DNER: variants seen among roughly 807,000 people sequenced by gnomAD.
DNER encodes delta/notch like EGF repeat containing.
DNER carries 33 observed loss-of-function variants against 78.2 expected under a neutral mutation model. The observed-to-expected ratio is 0.42, with a 90% CI of 0.32 to 0.56. The LOEUF is 0.56. Among genes scored for constraint, DNER ranks in the 20% least tolerant of loss-of-function variants. DNER has a pLI of 0.11. For synonymous variants in DNER, 417 were observed against 384.8 expected (o/e 1.08, Z -0.98); for missense variants, 918 against 975.3 (o/e 0.94, Z 0.78).
intron 1 of DNER, among the ~76,000 whole-genome samples, chr2:229,610,688 A>G: frequency 2.0e-5 from 3 of 150,250 alleles, no homozygotes; most frequent in South Asian, 2.2e-4. Context: ...TTCCTCAACC[A>G]CCGACAGTGT....
At chr2:229,561,179 C>T (rs1188607704) in intron 4 of DNER, among the ~76,000 whole-genome samples, 1 of 152,086 alleles carries the variant, frequency 6.6e-6, no homozygotes, top group Non-Finnish European at 1.5e-5. Flanking sequence ...CCAAAAAATG[C>T]TTTCCAAATT....
intron 1 of DNER, among the ~76,000 whole-genome samples, chr2:229,704,443 G>A (rs1014459344): frequency 2.4e-4 from 37 of 152,268 alleles, no homozygotes; most frequent in Admixed American, 2.1e-3. Flanking sequence ...CCAGACACTG[G>A]AAACAAACCA....
chr2:229,404,182 G>A (rs961413082), intron 10 of DNER, among the ~76,000 whole-genome samples: 1 of 151,968 alleles, frequency 6.6e-6, no homozygotes, highest in African/African-American at 2.4e-5. Context: ...GTTGGATGGA[G>A]GTAAGAGGGA....
intron 11 of DNER, among the ~76,000 whole-genome samples, chr2:229,374,765 A>G (rs1389818182): frequency 2.0e-5 from 3 of 152,158 alleles, no homozygotes; most frequent in South Asian, 4.1e-4. Context: ...GTAGAAATCA[A>G]TGTAATGGGG....
intron 7 of DNER, among the ~76,000 whole-genome samples, chr2:229,472,320 G>C (rs147658854): frequency 2.7e-4 from 41 of 152,302 alleles, no homozygotes; most frequent in African/African-American, 8.7e-4. Flanking sequence ...AGGTGGTTCC[G>C]TTTGACCAGC....
chr2:229,702,692 C>T (rs1187066850), intron 1 of DNER, among the ~76,000 whole-genome samples: 10 of 151,568 alleles, frequency 6.6e-5, no homozygotes, highest in East Asian at 5.8e-4. Flanking sequence ...CCGAGGCAGG[C>T]GGATCACGAG....
intron 4 of DNER, among the ~76,000 whole-genome samples, chr2:229,551,930 C>CA (rs1363273441): frequency 3.3e-5 from 5 of 149,732 alleles, no homozygotes; most frequent in African/African-American, 1.3e-4. Flanking sequence ...GACTCCATCT[C>CA]AAAAAATAAA....
chr2:229,606,972 A>C (rs1489090029), intron 1 of DNER, among the ~76,000 whole-genome samples: 1 of 152,150 alleles, frequency 6.6e-6, no homozygotes, highest in East Asian at 1.9e-4. Flanking sequence ...CACTTTTCAC[A>C]ATACAGGACA....
At position 229,358,548 on chromosome 2, in the gene DNER, C is replaced by A. The variant is rs749492445; in HGVS notation, c.2206G>T (p.Asp736Tyr). The A allele has an allele frequency of 1.0e-5, 16 of 1,605,606 alleles. No individual in the cohort carries two copies. Among genetic ancestry groups the A allele is most frequent in the South Asian group, 4.5e-5 (4 of 88,500 alleles). The change falls in exon 13 of 13, where the codon GAT (aspartate) becomes TAT (tyrosine). Residue 736 changes from aspartate (D) to tyrosine (Y), a missense_variant. Coordinates refer to ENST00000341772, the MANE Select transcript of DNER (RefSeq NM_139072.4). ...AATAATCCAAAAAAAGATTACAAATCTTTAGTTTTAATCAGTGTGACCAAG... is the reference window on the plus strand; with the variant it reads ...AATAATCCAAAAAAAGATTACAAATATTTAGTTTTAATCAGTGTGACCAAG... Reference protein sequence around the residue: ...KPLVTLIKTKDL With the variant: ...KPLVTLIKTKYL
intron 1 of DNER, among the ~76,000 whole-genome samples, chr2:229,593,547 C>T (rs933602114): frequency 1.3e-5 from 2 of 152,148 alleles, no homozygotes; most frequent in Non-Finnish European, 1.5e-5. Flanking sequence ...GTTCACTGCT[C>T]TATTCCCAGC....
chr2:229,666,217 C>T (rs1699089895), intron 1 of DNER, among the ~76,000 whole-genome samples: 1 of 152,176 alleles, frequency 6.6e-6, no homozygotes, highest in African/African-American at 2.4e-5. Flanking sequence ...CTTAACACCC[C>T]TCCTGCTTTA....
chr2:229,513,561 T>G (rs1039124697), intron 5 of DNER, among the ~76,000 whole-genome samples: 9 of 152,224 alleles, frequency 5.9e-5, no homozygotes, highest in African/African-American at 2.2e-4. Flanking sequence ...GGAATTTGAC[T>G]TGAAGCTTCA....
chr2:229,469,447 A>C (rs1694875750), intron 7 of DNER, among the ~76,000 whole-genome samples: 1 of 152,222 alleles, frequency 6.6e-6, no homozygotes, highest in Admixed American at 6.5e-5. Context: ...AGCACTGCAT[A>C]TTCACAGCTC....
intron 6 of DNER, among the ~76,000 whole-genome samples, chr2:229,499,145 A>G (rs925811377): frequency 4.6e-5 from 7 of 152,146 alleles, no homozygotes; most frequent in African/African-American, 1.7e-4. Flanking sequence ...TGATGCCAAG[A>G]ACATAAAATG....
chr2:229,520,655 A>T (rs1696077142), intron 5 of DNER, among the ~76,000 whole-genome samples: 1 of 152,172 alleles, frequency 6.6e-6, no homozygotes, highest in African/African-American at 2.4e-5. Flanking sequence ...AAGTACCAAG[A>T]AAGGAAAGCT....
chr2:229,412,814 G>A lies in DNER; in HGVS notation c.1609+5294C>T, dbSNP rs144171298. ...GACCCCAGGGCTCAGTGGGGCAAAG[G>A]GACAGGAACGCTGGCTGAGTCAGAA... On this transcript the variant is annotated intron_variant, in intron 9 of 12. Transcript: ENST00000341772. Among the ~76,000 whole-genome samples, 461 of 152,266 alleles carry A rather than the reference G, an allele frequency of 3.0e-3. 6 individuals are homozygous for A. Among genetic ancestry groups the A allele is most frequent in the African/African-American group, 0.01 (427 of 41,540 alleles).
At chr2:229,563,592 A>T (rs545336865) in intron 4 of DNER, among the ~76,000 whole-genome samples, 4 of 142,250 alleles carry the variant, frequency 2.8e-5, no homozygotes, top group Non-Finnish European at 6.1e-5. Context: ...CATCATTAAC[A>T]TCATCACCCC....
chr2:229,462,820 C>T (rs1379494037), intron 7 of DNER, among the ~76,000 whole-genome samples: 2 of 152,222 alleles, frequency 1.3e-5, no homozygotes, highest in Admixed American at 6.5e-5. Flanking sequence ...AAGCTGGCCC[C>T]ACTGGCCTCC....
At position 229,591,422 on chromosome 2, in the gene DNER, T is replaced by C. The variant is rs1697604458; in HGVS notation, c.585+158A>G. ...TCTTTTTATACTTATAAAACCATCG[T>C]ACACACAAATGCAGACAGGAATAAG... On this transcript the variant is annotated intron_variant, in intron 2 of 12. Coordinates refer to ENST00000341772, the MANE Select transcript of DNER (RefSeq NM_139072.4). This position sits in a 1 kb window ranked among gnomAD's most constrained non-coding sequence, Gnocchi z 4.6. Among the ~76,000 whole-genome samples the C allele has an allele frequency of 1.3e-5, 2 of 152,256 alleles. No individual in the cohort carries two copies. Among genetic ancestry groups the C allele is most frequent in the African/African-American group, 4.8e-5 (2 of 41,476 alleles).
Sources: gnomAD v4.1 joint callset for allele counts (sites outside exome capture counted in the v4.1 genomes callset) on GRCh38, gnomAD v4.1.1 for gene constraint, Gnocchi (gnomAD v3.1) non-coding constraint, MANE v1.5 for transcripts, NCBI Gene and HGNC (gene_info 2026-07-23, HGNC 2026-07-21) for gene names.